ECSCR: variants seen among roughly 807,000 people sequenced by gnomAD.
The protein encoded by ECSCR is endothelial cell-specific chemotaxis regulator.
A neutral mutation model predicts 16.7 loss-of-function variants in ECSCR; 12 were observed. The ratio of observed to expected loss-of-function variants is 0.72; its 90% CI spans 0.46 to 1.17. The LOEUF (loss-of-function observed/expected upper bound fraction) is 1.17, where lower values mean the gene tolerates loss of function less well. ECSCR is among the 50% of genes most tolerant of loss of function. The pLI, the probability that ECSCR is intolerant of heterozygous loss-of-function variation, is 0.00. For missense variants in ECSCR, 122 were observed against 116.1 expected, an observed-to-expected ratio of 1.05 and a Z score of -0.23; for synonymous variants, 44 against 42.2, an observed-to-expected ratio of 1.04 and a Z score of -0.17.
intron 1 of ECSCR, 127 bp from the exon 2 acceptor site, chr5:139,458,310 ATTTTG>A (rs1751206868): frequency 1.5e-5 from 13 of 883,348 alleles, no homozygotes; most frequent in African/African-American, 3.5e-5. Context: ...CTAAAAAAAA[ATTTTG>A]TTTTGTTTTG....
At chr5:139,457,925 A>G in intron 2 of ECSCR, 118 bp from the exon 3 acceptor site, 1 of 1,249,414 alleles carries the variant, frequency 8.0e-7, no homozygotes, top group South Asian at 1.3e-5. Flanking sequence ...CTCATTCCCA[A>G]CCATTCACCT....
Position 139,458,163 on chromosome 5 carries a change from T to C in ECSCR, c.82A>G (p.Met28Val), listed in dbSNP as rs984186117. Residue 28 changes from methionine (M) to valine (V), a missense_variant, in exon 2 of 10, where the codon ATG becomes GTG. By Grantham distance (21) the Met-to-Val change is conservative (BLOSUM62 1). Transcript: ENST00000618155. ...LFRGHNSQPT[M>V]TQTSSSQGGL... ...CCCTGAGAGCTAGAGGTCTGGGTCA[T>C]TGTGGGCTGGGAGTTGTGGCCTGCA... The C allele has an allele frequency of 1.9e-6, 3 of 1,549,628 alleles. No homozygotes were observed. The African/African-American group carries it at 4.1e-5, about 21-fold the overall frequency.
intron 1 of ECSCR, among the ~76,000 whole-genome samples, chr5:139,458,577 T>G (rs1461605799): frequency 7.0e-6 from 1 of 142,610 alleles, no homozygotes. Flanking sequence ...CCAGGTGCGG[T>G]GGTTCACACC....
At chr5:139,455,282 AG>A (rs1751131123) in intron 6 of ECSCR, 40 bp downstream of exon 6, 2 of 395,048 alleles carry the variant, frequency 5.1e-6, no homozygotes, top group Non-Finnish European at 8.9e-6. Context: ...TTCCAGGGGT[AG>A]GGGTTCCTCC....
At chr5:139,456,405 T>A (rs1751158892) in intron 5 of ECSCR, 69 bp downstream of exon 5, 1 of 398,000 alleles carries the variant, frequency 2.5e-6, no homozygotes, top group Non-Finnish European at 4.4e-6. Flanking sequence ...AGCCAAGGGA[T>A]AAGACGAGAG....
At chr5:139,459,443 G>A (rs553267615) in intron 1 of ECSCR, among the ~76,000 whole-genome samples, 4 of 152,332 alleles carry the variant, frequency 2.6e-5, no homozygotes, top group African/African-American at 9.6e-5. Context: ...CAGTCACCAA[G>A]AGTCCCCAAT....
rs997973401 is a variant in ECSCR at position 139,454,000 on chromosome 5, G to A, written c.512+602C>T. Among the ~76,000 whole-genome samples the A allele has an allele frequency of 6.8e-5, 10 of 147,286 alleles. No homozygotes were observed. In the East Asian group the frequency reaches 1.6e-3, roughly 24 times the overall value. On this transcript the variant is annotated intron_variant, in intron 8 of 9. Coordinates refer to ENST00000618155, the MANE Select transcript of ECSCR (RefSeq NM_001077693.4). Reference sequence around the variant, plus strand: ...GGGGCATGTGGTATGTTTGAGGTGTGTTGGGGTGTGTGTATAGTATGGGAT... The same window carrying A: ...GGGGCATGTGGTATGTTTGAGGTGTATTGGGGTGTGTGTATAGTATGGGAT...
At chr5:139,460,187 G>C (rs150084524) in intron 1 of ECSCR, among the ~76,000 whole-genome samples, 2 of 151,916 alleles carry the variant, frequency 1.3e-5, no homozygotes, top group African/African-American at 4.8e-5. Flanking sequence ...CCAGGCTGGA[G>C]TGCAGTGGCG....
At chr5:139,462,406 A>G (rs1218438775) in intron 1 of ECSCR, among the ~76,000 whole-genome samples, 1 of 152,098 alleles carries the variant, frequency 6.6e-6, no homozygotes, top group East Asian at 1.9e-4. Flanking sequence ...AATTTCCCAC[A>G]AGAGGGTTTA....
chr5:139,458,268 C>T, intron 1 of ECSCR, 85 bp from the exon 2 acceptor site: 3 of 1,342,606 alleles, frequency 2.2e-6, no homozygotes, highest in South Asian at 1.3e-5. Flanking sequence ...TGCCTTCTGG[C>T]CCAGCCTGGG....
chr5:139,456,397 C>A (rs1751158748), intron 5 of ECSCR, 77 bp downstream of exon 5: 1 of 397,602 alleles, frequency 2.5e-6, no homozygotes, highest in Admixed American at 4.4e-5. Flanking sequence ...AATCTGAGAG[C>A]CAAGGGATAA....
At chr5:139,458,325 GTT>G (rs777187520) in intron 1 of ECSCR, 142 bp from the exon 2 acceptor site, 1,711 of 538,344 alleles carry the variant, frequency 3.2e-3, no homozygotes, top group Middle Eastern at 6.8e-3. Context: ...GTTTTGTTTT[GTT>G]TTTTTTTTTT....
chr5:139,459,031 T>A (rs1261525489), intron 1 of ECSCR, among the ~76,000 whole-genome samples: 1 of 152,088 alleles, frequency 6.6e-6, no homozygotes, highest in East Asian at 1.9e-4. Flanking sequence ...AGTCCCGAAG[T>A]CCTTCCCTGT....
chr5:139,457,917 C>A, intron 2 of ECSCR, 110 bp from the exon 3 acceptor site: 3 of 1,265,020 alleles, frequency 2.4e-6, no homozygotes, highest in African/African-American at 3.0e-5. Context: ...CCCCACCCCT[C>A]ATTCCCAACC....
At chr5:139,449,738 T>C (rs1750994916) in intron 8 of ECSCR, among the ~76,000 whole-genome samples, 1 of 152,144 alleles carries the variant, frequency 6.6e-6, no homozygotes, top group South Asian at 2.1e-4. Flanking sequence ...TTTTAGTTTT[T>C]ATTGAGAGGG....
chr5:139,457,090 G>A (rs1057232032), intron 4 of ECSCR, among the ~76,000 whole-genome samples: 5 of 152,196 alleles, frequency 3.3e-5, no homozygotes, highest in African/African-American at 1.2e-4. Flanking sequence ...GGCCTTGGCC[G>A]GCATGTGCAC....
intron 8 of ECSCR, among the ~76,000 whole-genome samples, chr5:139,451,393 T>C (rs2152088117): frequency 6.7e-6 from 1 of 149,760 alleles, no homozygotes; most frequent in South Asian, 2.1e-4. Context: ...TGTGGGTTTG[T>C]GGTGTGTGTG....
Position 139,448,709 on chromosome 5 carries a change from A to G in ECSCR, c.*191T>C. The G allele has an allele frequency of 2.8e-6, 4 of 1,421,200 alleles. No individual in the cohort carries two copies. The highest frequency in any genetic ancestry group is 3.7e-6 in the Non-Finnish European group (4 of 1,091,416). The allele number at this position is 1,421,200 out of a possible 1,614,324, so 88.0% of individuals were successfully genotyped here. A position where few individuals can be genotyped will look rare whatever the true frequency, so the allele number is the denominator to read the frequency against. On this transcript the variant is annotated 3_prime_UTR_variant, in exon 10 of 10. Coordinates refer to ENST00000618155, the MANE Select transcript of ECSCR (RefSeq NM_001077693.4). ...TTTCCACAGCAGCTGTCCATACAGG[A>G]AAGAGTCTCCCCTGTTGGTAGCTTG...
intron 3 of ECSCR, 35 bp from the exon 4 acceptor site, chr5:139,457,639 G>T: frequency 9.1e-7 from 1 of 1,102,052 alleles, no homozygotes; most frequent in Non-Finnish European, 1.4e-6. Context: ...AGTGGGAGGT[G>T]GGGTAGGTTT....
Sources: allele counts gnomAD v4.1 joint callset (sites outside exome capture counted in the v4.1 genomes callset), GRCh38; gene constraint gnomAD v4.1.1; transcripts MANE v1.5; gene names NCBI Gene and HGNC (gene_info 2026-07-23, HGNC 2026-07-21).